ATP10A: variants seen among roughly 807,000 people sequenced by gnomAD.
ATP10A encodes the protein ATPase phospholipid transporting 10A (putative).
ATP10A carries 111 observed loss-of-function variants against 147.8 expected under a neutral mutation model. The ratio of observed to expected loss-of-function variants is 0.75; its 90% CI spans 0.64 to 0.88. ATP10A has a LOEUF of 0.88. ATP10A is among the 40% of genes least tolerant of loss of function. The pLI is 0.00. For synonymous variants in ATP10A, 875 were observed against 841.6 expected (o/e 1.04, Z -0.69); for missense variants, 1,927 against 1,959.0 (o/e 0.98, Z 0.31).
At chr15:25,727,016 C>T (rs576320828) in intron 4 of ATP10A, 144 bp downstream of exon 4, 142 of 581,894 alleles carry the variant, frequency 2.4e-4, no homozygotes, top group Non-Finnish European at 3.4e-4. Context: ...GAGATCGCGC[C>T]ACTGCACTCC....
intron 12 of ATP10A, among the ~76,000 whole-genome samples, chr15:25,703,310 A>G (rs1900781959): frequency 6.6e-6 from 1 of 152,162 alleles, no homozygotes; most frequent in Non-Finnish European, 1.5e-5. Flanking sequence ...AGCTGAGATC[A>G]TGCCACTGCA....
intron 12 of ATP10A, among the ~76,000 whole-genome samples, chr15:25,705,592 C>T (rs1388739482): frequency 6.6e-6 from 1 of 152,162 alleles, no homozygotes; most frequent in Non-Finnish European, 1.5e-5. Context: ...CATGTGAACG[C>T]TAAGGTGGTG....
chr15:25,673,082 C>G (rs1899073298), downstream of ATP10A, among the ~76,000 whole-genome samples: 1 of 152,254 alleles, frequency 6.6e-6, no homozygotes, highest in African/African-American at 2.4e-5. Context: ...CATGCAAAAC[C>G]ATACCCAGGG....
intron 9 of ATP10A, among the ~76,000 whole-genome samples, chr15:25,714,938 A>T (rs543320580): frequency 6.6e-6 from 1 of 151,256 alleles, no homozygotes; most frequent in Non-Finnish European, 1.5e-5. Flanking sequence ...TAACCACCAC[A>T]GTAAGAAACA....
intron 1 of ATP10A, among the ~76,000 whole-genome samples, chr15:25,804,963 T>C (rs1427868010): frequency 6.6e-6 from 1 of 152,232 alleles, no homozygotes; most frequent in East Asian, 1.9e-4. Flanking sequence ...GTGGAGGCTC[T>C]TCGTTTGGAA....
intron 13 of ATP10A, among the ~76,000 whole-genome samples, chr15:25,698,195 C>T (rs79532778): frequency 6.6e-6 from 1 of 152,050 alleles, no homozygotes; most frequent in Non-Finnish European, 1.5e-5. Context: ...ATGTACTAGG[C>T]TAATGTAAGA....
chr15:25,835,109 A>T (rs1255691424), intron 1 of ATP10A, among the ~76,000 whole-genome samples: 2 of 152,092 alleles, frequency 1.3e-5, no homozygotes, highest in African/African-American at 2.4e-5. Flanking sequence ...CCAAAATTTT[A>T]AAAACAAAAA....
intron 2 of ATP10A, among the ~76,000 whole-genome samples, chr15:25,756,536 G>C (rs913364124): frequency 6.6e-6 from 1 of 152,030 alleles, no homozygotes; most frequent in Admixed American, 6.6e-5. Context: ...CCAGCTACTC[G>C]GGAGACTGAG....
At chr15:25,775,373 G>A (rs1190624636) in intron 2 of ATP10A, among the ~76,000 whole-genome samples, 1 of 152,196 alleles carries the variant, frequency 6.6e-6, no homozygotes, top group African/African-American at 2.4e-5. Flanking sequence ...CCTTTGTAAA[G>A]AAAACCGTGC....
chr15:25,847,991 TAAG>T (rs139065531), intron 1 of ATP10A, among the ~76,000 whole-genome samples: 63,415 of 151,634 alleles, frequency 0.42, 15,504 homozygotes, highest in East Asian at 0.67. Flanking sequence ...AAGCTGTAGT[TAAG>T]AAGGTGGTTT....
At chr15:25,787,209 A>C (rs1890211033) in intron 1 of ATP10A, among the ~76,000 whole-genome samples, 1 of 152,194 alleles carries the variant, frequency 6.6e-6, no homozygotes, top group Admixed American at 6.5e-5. Flanking sequence ...TAAAGGAGGA[A>C]TATCTCATGA....
intron 1 of ATP10A, among the ~76,000 whole-genome samples, chr15:25,787,450 C>A (rs1473699682): frequency 1.3e-5 from 2 of 151,476 alleles, no homozygotes; most frequent in African/African-American, 4.8e-5. Context: ...CCCATCTCTC[C>A]AAAAAATACA....
intron 1 of ATP10A, among the ~76,000 whole-genome samples, chr15:25,783,458 C>T (rs894363463): frequency 7.8e-6 from 1 of 127,764 alleles, no homozygotes; most frequent in Admixed American, 8.4e-5. Context: ...TATTTAATTC[C>T]CCTGTGTGGA....
chr15:25,689,799 A>G (rs919394949), intron 15 of ATP10A, among the ~76,000 whole-genome samples: 53 of 152,210 alleles, frequency 3.5e-4, no homozygotes, highest in African/African-American at 1.3e-3. Flanking sequence ...GTAGAGCCCC[A>G]GGGCTTGGGC....
intron 1 of ATP10A, among the ~76,000 whole-genome samples, chr15:25,815,817 C>T (rs961927111): frequency 3.3e-5 from 5 of 152,084 alleles, no homozygotes; most frequent in African/African-American, 1.2e-4. Context: ...AACTAGCTCG[C>T]CTGCTTAGAA....
intron 1 of ATP10A, among the ~76,000 whole-genome samples, chr15:25,847,036 C>T (rs990371029): frequency 1.3e-5 from 2 of 152,210 alleles, no homozygotes; most frequent in African/African-American, 4.8e-5. Context: ...ATAACATATA[C>T]ATTTTTCTAA....
intron 1 of ATP10A, among the ~76,000 whole-genome samples, chr15:25,802,438 G>A (rs1596916593): frequency 6.6e-6 from 1 of 152,154 alleles, no homozygotes; most frequent in South Asian, 2.1e-4. Flanking sequence ...CGACCACTAG[G>A]CCCATGAACT....
At chr15:25,813,272 A>C (rs1891507063) in intron 1 of ATP10A, among the ~76,000 whole-genome samples, 1 of 152,244 alleles carries the variant, frequency 6.6e-6, no homozygotes, top group Non-Finnish European at 1.5e-5. Flanking sequence ...TTCACAGGTC[A>C]TCAGGTAGAG....
intron 3 of ATP10A, among the ~76,000 whole-genome samples, chr15:25,732,558 C>CTACATGCGACACCTTCTTTTTTTTTT (rs1555461688): frequency 3.7e-4 from 31 of 84,144 alleles, no homozygotes; most frequent in Admixed American, 7.6e-4. Flanking sequence ...GCGACACCTT[C>CTACATGCGACACCTTCTTTTTTTTTT]TTTTTTTTTT....
Sources: allele counts gnomAD v4.1 joint callset (sites outside exome capture counted in the v4.1 genomes callset), GRCh38; gene constraint gnomAD v4.1.1; transcripts MANE v1.5; gene names NCBI Gene and HGNC (gene_info 2026-07-23, HGNC 2026-07-21).